Variants in SWAP70 observed in about 807,000 individuals in gnomAD.
SWAP70 encodes the protein switch-associated protein 70.
Under a neutral mutation model 80.2 loss-of-function variants are expected in SWAP70, and 34 were observed. The observed-to-expected ratio is 0.42, with a 90% CI of 0.32 to 0.56. SWAP70 has a LOEUF of 0.56. SWAP70 is among the 20% of genes least tolerant of loss of function. SWAP70 has a pLI of 0.09. For synonymous variants in SWAP70, 239 were observed against 238.5 expected (o/e 1.00, Z -0.02); for missense variants, 578 against 690.7 (o/e 0.84, Z 1.83).
At chr11:9,722,552 C>T (rs964793283) in intron 3 of SWAP70, among the ~76,000 whole-genome samples, 4 of 152,196 alleles carry the variant, frequency 2.6e-5, no homozygotes, top group African/African-American at 9.6e-5. Context: ...TGACAGTCTT[C>T]ATTTCTAACA....
intron 3 of SWAP70, among the ~76,000 whole-genome samples, chr11:9,716,864 C>T (rs781112907): frequency 6.6e-6 from 1 of 152,104 alleles, no homozygotes; most frequent in Non-Finnish European, 1.5e-5. Context: ...GTGCCAAGGA[C>T]GGAACCTTGG....
intron 1 of SWAP70, among the ~76,000 whole-genome samples, chr11:9,666,084 T>A (rs1324731761): frequency 2.8e-4 from 43 of 151,444 alleles, no homozygotes; most frequent in Admixed American, 2.8e-3. Context: ...ATGCTTTAGT[T>A]TTTTGTTTTT....
chr11:9,747,742 T>A (rs1421054176), intron 9 of SWAP70, 116 bp from the exon 10 acceptor site: 2 of 969,276 alleles, frequency 2.1e-6, no homozygotes, highest in Admixed American at 3.7e-5. Flanking sequence ...CCTGGTGGAA[T>A]GAAAGGGGGA....
chr11:9,731,394 G>C (rs1416938528), intron 6 of SWAP70, among the ~76,000 whole-genome samples: 1 of 152,160 alleles, frequency 6.6e-6, no homozygotes, highest in African/African-American at 2.4e-5. Flanking sequence ...TCTCTTCTGT[G>C]GAGTGGGGAT....
At chr11:9,675,994 AACACTAAGTGATT>A (rs1850495662) in intron 1 of SWAP70, among the ~76,000 whole-genome samples, 1 of 152,248 alleles carries the variant, frequency 6.6e-6, no homozygotes, top group African/African-American at 2.4e-5. Flanking sequence ...ACTAACCAGG[AACACTAAGTGATT>A]GTTTTGAGCT....
At chr11:9,714,344 A>G (rs868103737) in intron 3 of SWAP70, among the ~76,000 whole-genome samples, 2 of 152,190 alleles carry the variant, frequency 1.3e-5, no homozygotes, top group Non-Finnish European at 2.9e-5. Flanking sequence ...TCATTTTCTC[A>G]TCTGTGAAAT....
chr11:9,725,124 T>C (rs991851216), intron 4 of SWAP70: 7 of 455,562 alleles, frequency 1.5e-5, no homozygotes, highest in African/African-American at 2.0e-5. Context: ...CTTGAAGGCA[T>C]GCACCCCCAT....
chr11:9,703,768 G>A lies in SWAP70; in HGVS notation c.240+9482G>A, dbSNP rs751657493. ...GGTAAACACTCACAATGATTTGAATGAATGAATGCGCAAATTAATACTGCA... is the reference window on the plus strand; with the variant it reads ...GGTAAACACTCACAATGATTTGAATAAATGAATGCGCAAATTAATACTGCA... On this transcript the variant is annotated intron_variant, in intron 2 of 11. Coordinates refer to ENST00000318950, the MANE Select transcript of SWAP70 (RefSeq NM_015055.4). Among the ~76,000 whole-genome samples, 6 of 152,296 alleles carry A rather than the reference G, an allele frequency of 3.9e-5. No homozygotes were observed. The Middle Eastern group carries it at 0.014, about 345-fold the overall frequency.
chr11:9,733,395 C>G (rs1851324851), intron 7 of SWAP70, among the ~76,000 whole-genome samples: 1 of 152,128 alleles, frequency 6.6e-6, no homozygotes, highest in African/African-American at 2.4e-5. Flanking sequence ...CACATCTGTG[C>G]AAAAACTTTG....
At chr11:9,678,777 G>A (rs1037285018) in intron 1 of SWAP70, among the ~76,000 whole-genome samples, 1 of 151,812 alleles carries the variant, frequency 6.6e-6, no homozygotes. Context: ...CCTTCCCACC[G>A]TGAGGGTTAT....
intron 1 of SWAP70, among the ~76,000 whole-genome samples, chr11:9,691,633 A>G (rs1294800340): frequency 6.6e-6 from 1 of 152,212 alleles, no homozygotes; most frequent in East Asian, 1.9e-4. Flanking sequence ...TGAAGACATA[A>G]TGTTTCTTAT....
At chr11:9,708,852 T>C (rs1186346664) in intron 2 of SWAP70, among the ~76,000 whole-genome samples, 2 of 152,200 alleles carry the variant, frequency 1.3e-5, no homozygotes, top group Non-Finnish European at 2.9e-5. Context: ...ATTCATCCCA[T>C]AGATGGCCTC....
chr11:9,740,071 C>T (rs976757863), intron 8 of SWAP70, 110 bp from the exon 9 acceptor site: 4 of 917,158 alleles, frequency 4.4e-6, no homozygotes, highest in African/African-American at 1.7e-5. Context: ...AGGGTCCTGC[C>T]ACCCTGATGG....
At chr11:9,733,868 G>C (rs1187506240) in intron 7 of SWAP70, among the ~76,000 whole-genome samples, 1 of 152,150 alleles carries the variant, frequency 6.6e-6, no homozygotes, top group Non-Finnish European at 1.5e-5. Flanking sequence ...CGTACCTGTA[G>C]AGGAGAATAT....
intron 9 of SWAP70, chr11:9,741,263 A>C (rs541466141): frequency 2.0e-5 from 3 of 152,256 alleles, no homozygotes; most frequent in African/African-American, 7.2e-5. Context: ...AGTGACTTCA[A>C]AAATAAATAA....
chr11:9,694,220 T>C lies in SWAP70; in HGVS notation c.174T>C (p.Asp58=), dbSNP rs1215918181. ...TTGCCCTTGAAGAGCACTTCAGGGA[T>C]GATGATGAGGGTCCAGTGTCCAACC... is the stretch of plus-strand genomic sequence containing the variant. ...DPVALEEHFR[D]DDEGPVSNQG... Residue 58 remains aspartate (D), a synonymous_variant, in exon 2 of 12, where the codon GAT becomes GAC. Transcript: ENST00000318950. 4.3e-6 allele frequency: 7 copies of C among 1,613,142 alleles called. No homozygotes were observed. Among genetic ancestry groups the C allele is most frequent in the Non-Finnish European group, 8.5e-7 (1 of 1,179,626 alleles).
intron 1 of SWAP70, among the ~76,000 whole-genome samples, chr11:9,683,030 T>G (rs549948331): frequency 6.6e-6 from 1 of 152,166 alleles, no homozygotes; most frequent in Non-Finnish European, 1.5e-5. Flanking sequence ...AAATTGATCT[T>G]TGGGAAATGA....
Position 9,713,642 on chromosome 11 carries a change from A to G in SWAP70, c.414+3A>G. ...CATTAATTATTGTGTCAGAAGAGGTAAGGTGTGGCTTGGGGAGTTTTTACT... is the reference window on the plus strand; with the variant it reads ...CATTAATTATTGTGTCAGAAGAGGTGAGGTGTGGCTTGGGGAGTTTTTACT... On this transcript the variant is annotated splice_donor_region_variant and intron_variant, in intron 3 of 11. Transcript: ENST00000318950. 1 of 1,611,246 alleles carries G rather than the reference A, an allele frequency of 6.2e-7. No individual in the cohort carries two copies. Among genetic ancestry groups the G allele is most frequent in the South Asian group, 1.1e-5 (1 of 90,758 alleles).
Position 9,749,826 on chromosome 11 carries a change from A to G in SWAP70, c.1652-38A>G, listed in dbSNP as rs370449962. 4 of 1,320,536 alleles carry G rather than the reference A, an allele frequency of 3.0e-6. No homozygotes were observed. The African/African-American group carries it at 5.8e-5, about 19-fold the overall frequency. The allele number at this position is 1,320,536 out of a possible 1,614,324, so 81.8% of individuals were successfully genotyped here. On this transcript the variant is annotated intron_variant, in intron 11 of 11. Transcript: ENST00000318950. ...AAAATGATGGGGTATCCTGAAGAAT[A>G]TAATACTTCCTGTATTTAAAGCATG...
Sources: allele counts gnomAD v4.1 joint callset (sites outside exome capture counted in the v4.1 genomes callset), GRCh38; gene constraint gnomAD v4.1.1; transcripts MANE v1.5; gene names NCBI Gene and HGNC (gene_info 2026-07-23, HGNC 2026-07-21).